Variants in GABRB3 observed in about 807,000 individuals in gnomAD.
The protein encoded by GABRB3 is gamma-aminobutyric acid type A receptor subunit beta3.
In GABRB3, 14 loss-of-function variants were observed where a neutral mutation model predicts 52.1. The observed-to-expected ratio is 0.27, with a 90% CI of 0.18 to 0.42. The LOEUF is 0.42. Among genes scored for constraint, GABRB3 ranks in the 10% least tolerant of loss-of-function variants. GABRB3 has a pLI of 1.00. For synonymous variants in GABRB3, 260 were observed against 232.3 expected (o/e 1.12, Z -1.08); for missense variants, 307 against 609.1 (o/e 0.50, Z 5.22).
At chr15:26,639,207 C>A (rs547815311) in intron 3 of GABRB3, among the ~76,000 whole-genome samples, 2 of 152,076 alleles carry the variant, frequency 1.3e-5, no homozygotes, top group South Asian at 2.1e-4. Context: ...ACCCAATGCC[C>A]GTTGTTAATT....
At chr15:26,740,883 G>C (rs983421327) in intron 3 of GABRB3, among the ~76,000 whole-genome samples, 1 of 152,066 alleles carries the variant, frequency 6.6e-6, no homozygotes, top group African/African-American at 2.4e-5. Flanking sequence ...CACCTCCCAG[G>C]TTCCCCAACA....
At chr15:26,592,249 T>C (rs925407117) in intron 4 of GABRB3, among the ~76,000 whole-genome samples, 2 of 152,152 alleles carry the variant, frequency 1.3e-5, no homozygotes, top group African/African-American at 4.8e-5. Context: ...CAATTAGGCG[T>C]AACAAATGGA....
chr15:26,772,210 GC>G, intron 3 of GABRB3, 191 bp downstream of exon 3: 1 of 497,450 alleles, frequency 2.0e-6, no homozygotes, highest in Non-Finnish European at 3.5e-6. Context: ...CGCCAGCCAG[GC>G]CCCCGAGCGC....
Position 26,611,900 on chromosome 15 carries a change from G to T in GABRB3, c.461+9414C>A, listed in dbSNP as rs1350500456. On this transcript the variant is annotated intron_variant, in intron 4 of 8. Coordinates refer to ENST00000311550, the MANE Select transcript of GABRB3 (RefSeq NM_000814.6). Reference sequence around the variant, plus strand: ...CCTTTTTAATAGAGTTAAGCCTAAAGACAGATTTAGCATGAATACACATTT... The same window carrying T: ...CCTTTTTAATAGAGTTAAGCCTAAATACAGATTTAGCATGAATACACATTT... 2.6e-5 allele frequency: 4 copies of T among 152,260 alleles called. No homozygotes were observed. In the East Asian group the frequency reaches 7.7e-4, roughly 29 times the overall value. The allele number at this position is 152,260 out of a possible 1,614,324, so 9.4% of individuals were successfully genotyped here.
chr15:26,618,004 T>C (rs932019358), intron 4 of GABRB3, among the ~76,000 whole-genome samples: 2 of 151,946 alleles, frequency 1.3e-5, no homozygotes, highest in African/African-American at 4.8e-5. Flanking sequence ...CACTGCTCAA[T>C]GAAATAAAAG....
intron 3 of GABRB3, among the ~76,000 whole-genome samples, chr15:26,652,138 G>A (rs1040245757): frequency 7.2e-5 from 11 of 152,102 alleles, no homozygotes; most frequent in Admixed American, 3.9e-4. Flanking sequence ...CCTTTCCATG[G>A]ACTTCAAGTC....
chr15:26,667,418 C>T (rs980078984), intron 3 of GABRB3, among the ~76,000 whole-genome samples: 6 of 152,190 alleles, frequency 3.9e-5, no homozygotes, highest in Non-Finnish European at 5.9e-5. Context: ...GGATGGAGTG[C>T]ACCAGAAGAA....
chr15:26,656,602 C>A (rs753114982), intron 3 of GABRB3, among the ~76,000 whole-genome samples: 7 of 152,180 alleles, frequency 4.6e-5, no homozygotes, highest in Non-Finnish European at 8.8e-5. Flanking sequence ...CTGAGCTTGG[C>A]CCCCTGTTAG....
intron 3 of GABRB3, among the ~76,000 whole-genome samples, chr15:26,705,815 C>T (rs777095808): frequency 3.3e-5 from 5 of 152,108 alleles, no homozygotes; most frequent in Non-Finnish European, 7.4e-5. Flanking sequence ...TGGGTTTTCA[C>T]AGTTCACCAT....
chr15:26,742,947 T>TTTTTTTTTTTTTTTTG (rs771203717), intron 3 of GABRB3, among the ~76,000 whole-genome samples: 3 of 104,168 alleles, frequency 2.9e-5, no homozygotes, highest in Non-Finnish European at 1.9e-5. Context: ...TTTTTTTTTT[T>TTTTTTTTTTTTTTTTG]GAGACAGAGT....
intron 3 of GABRB3, among the ~76,000 whole-genome samples, chr15:26,687,490 C>T (rs920471521): frequency 6.6e-6 from 1 of 152,090 alleles, no homozygotes; most frequent in Non-Finnish European, 1.5e-5. Flanking sequence ...TCTTTCTCTT[C>T]CTCTCTTCCT....
intron 3 of GABRB3, among the ~76,000 whole-genome samples, chr15:26,717,437 C>T (rs779088916): frequency 1.4e-4 from 21 of 152,208 alleles, no homozygotes; most frequent in Non-Finnish European, 2.5e-4. Flanking sequence ...ATAATGTGGA[C>T]CATGTGTAAA....
chr15:26,568,684 G>GTGTTTT (rs373552704), intron 6 of GABRB3, among the ~76,000 whole-genome samples: 19 of 133,714 alleles, frequency 1.4e-4, no homozygotes, highest in Non-Finnish European at 1.9e-4. Context: ...TTTTTTTTTG[G>GTGTTTT]TTTTGTATGT....
At chr15:26,760,610 C>T (rs1442121490) in intron 3 of GABRB3, among the ~76,000 whole-genome samples, 1 of 151,978 alleles carries the variant, frequency 6.6e-6, no homozygotes, top group African/African-American at 2.4e-5. Context: ...TTGCTTCAAA[C>T]TTTATCTTTA....
At chr15:26,605,942 C>A (rs975580618) in intron 4 of GABRB3, among the ~76,000 whole-genome samples, 1 of 152,030 alleles carries the variant, frequency 6.6e-6, no homozygotes, top group African/African-American at 2.4e-5. Context: ...TACAACACAG[C>A]GGAAGTCGAA....
chr15:26,554,160 A>AGT (rs1555400839), intron 8 of GABRB3, among the ~76,000 whole-genome samples: 20 of 20,804 alleles, frequency 9.6e-4, no homozygotes, highest in African/African-American at 3.5e-3. Flanking sequence ...ATATATATAA[A>AGT]GTATATATAT....
intron 3 of GABRB3, among the ~76,000 whole-genome samples, chr15:26,746,233 A>C (rs1890335746): frequency 6.6e-6 from 1 of 151,672 alleles, no homozygotes; most frequent in Non-Finnish European, 1.5e-5. Context: ...ACATTTTTGC[A>C]TGTGCTTATT....
intron 3 of GABRB3, among the ~76,000 whole-genome samples, chr15:26,766,853 C>T (rs909806897): frequency 6.6e-5 from 10 of 152,098 alleles, no homozygotes; most frequent in African/African-American, 2.4e-4. Flanking sequence ...AAGCAAGAGG[C>T]CATCCACAAC....
Position 26,544,674 on chromosome 15 carries a change from C to G in GABRB3, c.*3119G>C, listed in dbSNP as rs1889162118. ...CTGTAGGGAGTTATGTAGCAGGGCT[C>G]TTCCATTATCTCAAGGATATCTGAA... On this transcript the variant is annotated 3_prime_UTR_variant, in exon 9 of 9. Coordinates refer to ENST00000311550, the MANE Select transcript of GABRB3 (RefSeq NM_000814.6). The G allele has an allele frequency of 6.6e-6, 1 of 152,184 alleles. No homozygotes were observed. Among genetic ancestry groups the G allele is most frequent in the Admixed American group, 6.5e-5 (1 of 15,272 alleles). The allele number at this position is 152,184 out of a possible 1,614,324, so 9.4% of individuals were successfully genotyped here. A position where few individuals can be genotyped will look rare whatever the true frequency, so the allele number is the denominator to read the frequency against.
Sources: gnomAD v4.1 joint callset for allele counts (sites outside exome capture counted in the v4.1 genomes callset) on GRCh38, gnomAD v4.1.1 for gene constraint, MANE v1.5 for transcripts, NCBI Gene and HGNC (gene_info 2026-07-23, HGNC 2026-07-21) for gene names.